MAST2: variants seen among roughly 807,000 people sequenced by gnomAD.
MAST2 encodes the protein microtubule-associated serine/threonine-protein kinase 2.
Under a neutral mutation model 147.4 loss-of-function variants are expected in MAST2, and 70 were observed. That is an observed-to-expected ratio of 0.47 (90% CI 0.39 to 0.58). The LOEUF is 0.58. Among genes scored for constraint, MAST2 ranks in the 20% least tolerant of loss-of-function variants. MAST2 has a pLI of 0.00. For synonymous variants in MAST2, 869 were observed against 896.8 expected, an observed-to-expected ratio of 0.97 and a Z score of 0.55; for missense variants, 2,080 against 2,302.3, an observed-to-expected ratio of 0.90 and a Z score of 1.98.
chr1:46,027,895 A>C (rs1646482604), intron 17 of MAST2, 32 bp downstream of exon 17: 4 of 1,612,180 alleles, frequency 2.5e-6, no homozygotes, highest in Non-Finnish European at 3.4e-6. Flanking sequence ...ACTGGGGGTT[A>C]AATTCTAGGC....
chr1:46,025,795 C>T lies in MAST2; in HGVS notation c.1899C>T (p.His633=). ...LEYLHNYGIV[H]RDLKPDNLLI... Reference sequence around the variant, plus strand: ...ACTTACACAACTATGGCATCGTGCACCGTGACCTCAAGCCTGACAAGTATG... The same window carrying T: ...ACTTACACAACTATGGCATCGTGCATCGTGACCTCAAGCCTGACAAGTATG... The change falls in exon 16 of 29, where the codon CAC becomes CAT. Residue 633 remains histidine, a synonymous_variant. Coordinates refer to ENST00000361297, the MANE Select transcript of MAST2 (RefSeq NM_015112.3). 1 of 1,614,198 alleles carries T rather than the reference C, an allele frequency of 6.2e-7. No individual in the cohort carries two copies. The highest frequency in any genetic ancestry group is 8.5e-7 in the Non-Finnish European group (1 of 1,180,040).
intron 3 of MAST2, among the ~76,000 whole-genome samples, chr1:45,869,734 A>G (rs1221862230): frequency 6.6e-6 from 1 of 152,204 alleles, no homozygotes; most frequent in African/African-American, 2.4e-5. Flanking sequence ...AAAAAATAAC[A>G]GTGTCTTTTG....
chr1:45,839,289 T>C (rs961999657), intron 3 of MAST2, among the ~76,000 whole-genome samples: 4 of 152,074 alleles, frequency 2.6e-5, no homozygotes, highest in African/African-American at 9.7e-5. Context: ...CCACCATGCC[T>C]GGCTAGTTTT....
intron 1 of MAST2, among the ~76,000 whole-genome samples, chr1:45,810,847 G>A (rs1644269241): frequency 6.7e-6 from 1 of 148,480 alleles, no homozygotes; most frequent in South Asian, 2.1e-4. Context: ...AAGTAGGGGA[G>A]CAGTATATTC....
intron 4 of MAST2, among the ~76,000 whole-genome samples, chr1:45,884,467 G>A (rs1312704629): frequency 1.3e-5 from 2 of 152,150 alleles, no homozygotes; most frequent in African/African-American, 4.8e-5. Context: ...CAGGAGAATT[G>A]CTTGAATCCA....
intron 9 of MAST2, among the ~76,000 whole-genome samples, chr1:46,009,203 C>T (rs1286043790): frequency 1.3e-5 from 2 of 152,036 alleles, no homozygotes; most frequent in Non-Finnish European, 2.9e-5. Flanking sequence ...TACAGGCATG[C>T]GCCACCACGC....
chr1:46,034,315 A>G (rs942607254), intron 28 of MAST2, 49 bp downstream of exon 28: 5 of 1,556,566 alleles, frequency 3.2e-6, no homozygotes, highest in Middle Eastern at 1.7e-4. Context: ...GAAATAGGAA[A>G]GTTCCTAGGC....
In MAST2 at chr1:46,023,744, G is replaced by A. The variant is rs773635725; in HGVS notation, c.1572-28G>A. On this transcript the variant is annotated intron_variant, in intron 14 of 28. Coordinates refer to ENST00000361297, the MANE Select transcript of MAST2 (RefSeq NM_015112.3). This position sits in a 1 kb window ranked among gnomAD's most constrained non-coding sequence, Gnocchi z 4.9. The stretch of plus-strand genomic sequence containing the variant: ...CACAGCTCAGGTGCTGAGGGTCCAT[G>A]GGGGATGGGCCGGACTTTGTTTCCC... 2 of 1,607,128 alleles carry A rather than the reference G, an allele frequency of 1.2e-6. No individual in the cohort carries two copies. The highest frequency in any genetic ancestry group is 2.7e-5 in the African/African-American group (2 of 74,764).
At chr1:45,914,630 G>T (rs1182995896) in intron 4 of MAST2, among the ~76,000 whole-genome samples, 1 of 152,120 alleles carries the variant, frequency 6.6e-6, no homozygotes, top group Non-Finnish European at 1.5e-5. Flanking sequence ...CAAACTGCTT[G>T]CCCTGAGACA....
intron 5 of MAST2, among the ~76,000 whole-genome samples, chr1:45,966,400 G>T (rs1661198770): frequency 6.6e-6 from 1 of 150,852 alleles, no homozygotes. Context: ...TATATTGAAT[G>T]GTAAGAGTGT....
intron 4 of MAST2, among the ~76,000 whole-genome samples, chr1:45,894,468 A>AT (rs1186075493): frequency 6.6e-6 from 1 of 151,976 alleles, no homozygotes; most frequent in African/African-American, 2.4e-5. Context: ...TGCTTGCTTG[A>AT]TTAAGGACCT....
intron 6 of MAST2, 34 bp from the exon 7 acceptor site, chr1:46,002,771 G>C (rs764081973): frequency 1.2e-6 from 2 of 1,603,706 alleles, no homozygotes; most frequent in African/African-American, 1.3e-5. Context: ...GTGTAGTCCT[G>C]CAGAAACTGC....
chr1:45,829,415 A>T, intron 2 of MAST2, 24 bp from the exon 3 acceptor site: 2 of 1,596,422 alleles, frequency 1.3e-6, no homozygotes, highest in Non-Finnish European at 1.7e-6. Context: ...TTACATGTAT[A>T]TTTTCCAAAC....
At chr1:45,930,824 A>T (rs1316006463) in intron 4 of MAST2, among the ~76,000 whole-genome samples, 1 of 152,194 alleles carries the variant, frequency 6.6e-6, no homozygotes, top group Non-Finnish European at 1.5e-5. Context: ...AATGAAGTTT[A>T]CATTTTTTAA....
chr1:45,889,484 G>A (rs1647335053), intron 4 of MAST2, among the ~76,000 whole-genome samples: 1 of 152,106 alleles, frequency 6.6e-6, no homozygotes, highest in Non-Finnish European at 1.5e-5. Context: ...TCTGCACCTG[G>A]CCTTTGGTGA....
intron 5 of MAST2, among the ~76,000 whole-genome samples, chr1:45,964,265 TG>T (rs1660850077): frequency 6.6e-6 from 1 of 152,216 alleles, no homozygotes; most frequent in African/African-American, 2.4e-5. Context: ...CTTTTTCTAT[TG>T]ATTGGAATAG....
intron 3 of MAST2, among the ~76,000 whole-genome samples, chr1:45,845,207 T>G (rs191153607): frequency 6.6e-6 from 1 of 152,156 alleles, no homozygotes; most frequent in Admixed American, 6.5e-5. Flanking sequence ...ATGCAAGTTT[T>G]TGGTAAGGTG....
At chr1:45,895,320 C>T (rs1347266883) in intron 4 of MAST2, among the ~76,000 whole-genome samples, 2 of 151,606 alleles carry the variant, frequency 1.3e-5, no homozygotes, top group African/African-American at 4.9e-5. Context: ...TTTTTATGGG[C>T]ATATGTTTTC....
chr1:46,019,498 C>G, intron 10 of MAST2, 98 bp from the exon 11 acceptor site: 1 of 914,908 alleles, frequency 1.1e-6, no homozygotes, highest in Non-Finnish European at 1.7e-6. Flanking sequence ...TCTATGCTAC[C>G]GAATTGTTTC....
Sources: gnomAD v4.1 joint callset for allele counts (sites outside exome capture counted in the v4.1 genomes callset) on GRCh38, gnomAD v4.1.1 for gene constraint, Gnocchi (gnomAD v3.1) non-coding constraint, MANE v1.5 for transcripts, NCBI Gene and HGNC (gene_info 2026-07-23, HGNC 2026-07-21) for gene names.